SLC2A14: variants seen among roughly 807,000 people sequenced by gnomAD.
SLC2A14 encodes the protein solute carrier family 2, facilitated glucose transporter member 14.
In SLC2A14, 13 loss-of-function variants were observed where a neutral mutation model predicts 43.0. That is an observed-to-expected ratio of 0.30 (90% CI 0.20 to 0.48). The LOEUF (loss-of-function observed/expected upper bound fraction) is 0.48. Among genes scored for constraint, SLC2A14 ranks in the 20% least tolerant of loss-of-function variants. The pLI, the probability that SLC2A14 is intolerant of heterozygous loss-of-function variation, is 0.99. For missense variants in SLC2A14, 428 were observed against 620.4 expected (o/e 0.69, Z 3.29); for synonymous variants, 190 against 233.8 (o/e 0.81, Z 1.71).
intron 6 of SLC2A14, 105 bp from the exon 7 acceptor site, chr12:7,827,787 T>C (rs1864625715): frequency 6.6e-7 from 1 of 1,518,624 alleles, no homozygotes; most frequent in Admixed American, 2.2e-5. Flanking sequence ...AGGTGATGGG[T>C]AGCATCCATT....
intron 1 of SLC2A14, among the ~76,000 whole-genome samples, chr12:7,880,075 G>A (rs756113455): frequency 3.3e-5 from 5 of 151,868 alleles, no homozygotes; most frequent in Admixed American, 6.6e-5. Flanking sequence ...GGCCGAGGCG[G>A]GTGGATCACC....
At chr12:7,858,529 C>T (rs904298449) in intron 2 of SLC2A14, among the ~76,000 whole-genome samples, 1 of 152,024 alleles carries the variant, frequency 6.6e-6, no homozygotes, top group Non-Finnish European at 1.5e-5. Flanking sequence ...GATGGAGTTT[C>T]GCTCCTATTG....
chr12:7,867,291 A>C (rs199634251), intron 2 of SLC2A14, among the ~76,000 whole-genome samples: 5 of 112,330 alleles, frequency 4.5e-5, no homozygotes, highest in East Asian at 3.0e-4. Flanking sequence ...AAAAAAAAAA[A>C]AAAAAAAAAC....
intron 1 of SLC2A14, among the ~76,000 whole-genome samples, chr12:7,878,601 G>T (rs1362814641): frequency 1.3e-5 from 2 of 151,866 alleles, no homozygotes; most frequent in Admixed American, 1.3e-4. Context: ...TACTGTGGGT[G>T]TATATTTGTA....
intron 2 of SLC2A14, among the ~76,000 whole-genome samples, chr12:7,853,557 A>G (rs1867112103): frequency 6.6e-6 from 1 of 151,994 alleles, no homozygotes; most frequent in South Asian, 2.1e-4. Flanking sequence ...CCAAGATCTC[A>G]CCACTACACT....
At chr12:7,863,276 C>G (rs2121011397) in intron 2 of SLC2A14, 1 of 415,462 alleles carries the variant, frequency 2.4e-6, no homozygotes, top group Non-Finnish European at 4.8e-6. Context: ...CCAGCAAGAC[C>G]ACGAACCCAC....
intron 6 of SLC2A14, among the ~76,000 whole-genome samples, chr12:7,828,160 G>A (rs540616061): frequency 3.9e-5 from 6 of 152,172 alleles, no homozygotes; most frequent in South Asian, 2.1e-4. Flanking sequence ...TCAGGAGTTT[G>A]AGACCAGCCT....
At chr12:7,880,619 G>C (rs1319438323) in intron 1 of SLC2A14, among the ~76,000 whole-genome samples, 1 of 148,948 alleles carries the variant, frequency 6.7e-6, no homozygotes, top group Non-Finnish European at 1.5e-5. Context: ...ACGAGGTCAG[G>C]AGATCGAGAC....
upstream of SLC2A14, chr12:7,873,175 C>T (rs1295053581): frequency 8.1e-6 from 8 of 985,650 alleles, no homozygotes; most frequent in Non-Finnish European, 9.6e-6. Flanking sequence ...GAACTCTTTA[C>T]GGGGAAACAG....
intron 4 of SLC2A14, among the ~76,000 whole-genome samples, chr12:7,830,238 T>C (rs1163644541): frequency 6.6e-6 from 1 of 151,298 alleles, no homozygotes; most frequent in African/African-American, 2.4e-5. Flanking sequence ...CTGCAACCTC[T>C]GACTCCCAGG....
chr12:7,822,201 C>G (rs1311435172), intron 7 of SLC2A14, among the ~76,000 whole-genome samples: 1 of 151,840 alleles, frequency 6.6e-6, no homozygotes, highest in African/African-American at 2.4e-5. Flanking sequence ...CCTTGTGATC[C>G]ACCCACCTCA....
At chr12:7,838,093 A>G (rs1194615707) in intron 2 of SLC2A14, among the ~76,000 whole-genome samples, 2 of 143,432 alleles carry the variant, frequency 1.4e-5, no homozygotes, top group Admixed American at 7.1e-5. Context: ...TTTTACCACA[A>G]TTTTTTTTTT....
chr12:7,862,264 C>CAAAAAAAAAAAAA, intron 2 of SLC2A14, among the ~76,000 whole-genome samples: 1 of 58,920 alleles, frequency 1.7e-5, no homozygotes, highest in Non-Finnish European at 3.1e-5. Flanking sequence ...ACTTGTCTCT[C>CAAAAAAAAAAAAA]AAAAAAAAAA....
chr12:7,871,181 G>C (rs977414095), intron 1 of SLC2A14: 1 of 1,258,260 alleles, frequency 7.9e-7, no homozygotes, highest in South Asian at 1.7e-5. Flanking sequence ...GCCTTCACCT[G>C]CTTCAACGAG....
chr12:7,829,995 A>G lies in SLC2A14; in HGVS notation c.284T>C (p.Met95Thr). Reference sequence around the variant, plus strand: ...GGCAGCCAACAGGTTGACAATCAGCATTGAATTGCGCCTGTAAGGTTAATC... The same window carrying G: ...GGCAGCCAACAGGTTGACAATCAGCGTTGAATTGCGCCTGTAAGGTTAATC... ...FVNRFGRRNSMLIVNLLAATG... is the reference protein window; with the variant it reads ...FVNRFGRRNSTLIVNLLAATG... The change falls in exon 5 of 11, where the codon ATG (methionine) becomes ACG (threonine). Residue 95 changes from methionine to threonine, a missense_variant. By Grantham distance (81) the Met-to-Thr change is moderately conservative (BLOSUM62 -1). This residue lies in a region of SLC2A14 where 122 missense variants were observed against 128.8 expected (regional missense o/e 0.95). Transcript: ENST00000431042. 1.2e-6 allele frequency: 2 copies of G among 1,614,228 alleles called. No individual in the cohort carries two copies. The highest frequency in any genetic ancestry group is 1.3e-5 in the African/African-American group (1 of 75,056).
chr12:7,890,446 C>A (rs1008937007), intron 1 of SLC2A14, among the ~76,000 whole-genome samples: 9 of 152,234 alleles, frequency 5.9e-5, no homozygotes, highest in African/African-American at 1.9e-4. Context: ...ACCCCATCCT[C>A]CATTATTTGT....
chr12:7,880,129 C>G lies in SLC2A14; in HGVS notation c.132+10867G>C, dbSNP rs182032730. On this transcript the variant is annotated intron_variant, in intron 1 of 9. Transcript: ENST00000539924. ...CCAGCCTGACCAACATGGAGAAACC[C>G]CATCTCTACTAAAAATACAAAATTA... Among the ~76,000 whole-genome samples the G allele has an allele frequency of 2.6e-4, 40 of 151,746 alleles. 1 individual carries two copies. The highest frequency in any genetic ancestry group is 8.9e-4 in the African/African-American group (37 of 41,380).
intron 2 of SLC2A14, among the ~76,000 whole-genome samples, chr12:7,857,994 G>A (rs1944341948): frequency 6.6e-6 from 1 of 152,070 alleles, no homozygotes; most frequent in Non-Finnish European, 1.5e-5. Flanking sequence ...TTAGCCTGGT[G>A]TGGTGGCTTG....
intron 2 of SLC2A14, among the ~76,000 whole-genome samples, chr12:7,864,371 G>A (rs749342431): frequency 4.6e-5 from 7 of 151,676 alleles, no homozygotes; most frequent in Non-Finnish European, 8.8e-5. Flanking sequence ...ATGGAGTCTC[G>A]CTCTGTCGCC....
Sources: gnomAD v4.1 joint callset for allele counts (sites outside exome capture counted in the v4.1 genomes callset) on GRCh38, gnomAD v4.1.1 for gene constraint, gnomAD v4.1.1 regional missense constraint, MANE v1.5 for transcripts, NCBI Gene and HGNC (gene_info 2026-07-23, HGNC 2026-07-21) for gene names.